The following HTR2C variants were observed in gnomAD, a reference collection of about 807,000 sequenced individuals.
HTR2C encodes the protein 5-hydroxytryptamine (serotonin) receptor 2C, G protein-coupled.
A neutral mutation model predicts 21.0 loss-of-function variants in HTR2C; 5 were observed. That is an observed-to-expected ratio of 0.24 (90% CI 0.12 to 0.50). The LOEUF is 0.50. HTR2C is among the 20% of genes least tolerant of loss of function. The pLI is 0.98. For missense variants in HTR2C, 271 were observed against 371.2 expected, an observed-to-expected ratio of 0.73 and a Z score of 2.22; for synonymous variants, 150 against 145.3, an observed-to-expected ratio of 1.03 and a Z score of -0.23.
chrX:114,783,018 A>G (rs1556440966), intron 4 of HTR2C, among the ~76,000 whole-genome samples: 1 of 111,547 alleles, frequency 9.0e-6, no homozygotes. Context: ...GTAAGAAAGG[A>G]AAGGAAACAA....
intron 2 of HTR2C, among the ~76,000 whole-genome samples, chrX:114,696,015 CAAAT>C (rs1193000546): frequency 1.8e-5 from 2 of 111,825 alleles, no homozygotes; most frequent in Admixed American, 1.9e-4. Flanking sequence ...CACTAGGAAA[CAAAT>C]GAATGTCACT....
chrX:114,710,350 T>C (rs1402382467), intron 2 of HTR2C, among the ~76,000 whole-genome samples: 3 of 111,441 alleles, frequency 2.7e-5, no homozygotes, highest in African/African-American at 9.8e-5. Flanking sequence ...TTATTAGACA[T>C]AGAGATTGAC....
At chrX:114,788,079 CTGT>C (rs1306017583) in intron 4 of HTR2C, among the ~76,000 whole-genome samples, 4 of 110,455 alleles carry the variant, frequency 3.6e-5, no homozygotes, top group Non-Finnish European at 7.6e-5. Context: ...GGGATAAGTC[CTGT>C]TGTTGTTTTT....
At chrX:114,821,693 G>C (rs185818250) in intron 4 of HTR2C, among the ~76,000 whole-genome samples, 1 of 110,601 alleles carries the variant, frequency 9.0e-6, no homozygotes, top group Admixed American at 9.7e-5. Context: ...TATGTCATTA[G>C]TTATTAAGAA....
At chrX:114,875,360 C>T (rs1280092017) in intron 5 of HTR2C, among the ~76,000 whole-genome samples, 1 of 111,437 alleles carries the variant, frequency 9.0e-6, no homozygotes, top group Admixed American at 9.5e-5. Context: ...CCATAGGTTG[C>T]CTTTTAATTT....
At chrX:114,615,724 C>T (rs1313685141) in intron 2 of HTR2C, among the ~76,000 whole-genome samples, 3 of 111,827 alleles carry the variant, frequency 2.7e-5, no homozygotes, top group Non-Finnish European at 3.8e-5. Flanking sequence ...TGTTGTTTTT[C>T]GACCTCTATG....
intron 2 of HTR2C, among the ~76,000 whole-genome samples, chrX:114,705,508 T>C (rs1338209578): frequency 9.2e-6 from 1 of 108,515 alleles, no homozygotes; most frequent in African/African-American, 3.3e-5. Flanking sequence ...TAGCCATATG[T>C]AGAAAGCTGA....
chrX:114,700,394 G>C (rs955176231), intron 2 of HTR2C, among the ~76,000 whole-genome samples: 1 of 111,731 alleles, frequency 9.0e-6, no homozygotes, highest in Non-Finnish European at 1.9e-5. Flanking sequence ...CCTGCAGAAA[G>C]AGAAGCCTCA....
chrX:114,657,248 A>G (rs1304704461), intron 2 of HTR2C, among the ~76,000 whole-genome samples: 1 of 111,069 alleles, frequency 9.0e-6, no homozygotes, highest in Non-Finnish European at 1.9e-5. Context: ...ATGAAATGGA[A>G]CAAGAAAAAA....
chrX:114,790,283 T>C (rs2070218431), intron 4 of HTR2C, among the ~76,000 whole-genome samples: 1 of 111,933 alleles, frequency 8.9e-6, no homozygotes, highest in South Asian at 3.7e-4. Context: ...TTCAAGAAGT[T>C]CCACAATAGT....
chrX:114,606,731 G>A (rs1365484706), intron 1 of HTR2C, among the ~76,000 whole-genome samples: 7 of 111,854 alleles, frequency 6.3e-5, no homozygotes, highest in Admixed American at 1.9e-4. Context: ...GGAGCAAAGA[G>A]CAGGAGGACA....
rs184280446 is a variant in HTR2C at position 114,727,023 on chromosome X, G to A, written c.35+52G>A. On this transcript the variant is annotated intron_variant, in intron 3 of 5. Transcript: ENST00000276198. ...AGTAAAAAGATAACTTTGCTTGGTA[G>A]CTTGCTCAACATGTTAAAAAAATGC... The A allele has an allele frequency of 6.4e-4, 477 of 745,991 alleles. 2 individuals are homozygous for A. In the African/African-American group the frequency reaches 9.9e-3, roughly 15 times the overall value. 61.5% of individuals were successfully genotyped at this position (745,991 alleles called of 1,213,427 possible).
chrX:114,905,213 T>C (rs933536779), intron 5 of HTR2C, among the ~76,000 whole-genome samples: 1 of 111,241 alleles, frequency 9.0e-6, no homozygotes, highest in Non-Finnish European at 1.9e-5. Context: ...TTGTCATATC[T>C]GTTGTGGCTT....
At chrX:114,618,448 T>C (rs1017078039) in intron 2 of HTR2C, among the ~76,000 whole-genome samples, 173 of 112,477 alleles carry the variant, frequency 1.5e-3, no homozygotes, top group Non-Finnish European at 1.9e-3. Flanking sequence ...TTTTAAATTA[T>C]ACATTTTCAA....
chrX:114,795,181 T>A (rs1224738467), intron 4 of HTR2C, among the ~76,000 whole-genome samples: 9 of 110,227 alleles, frequency 8.2e-5, no homozygotes, highest in East Asian at 2.9e-4. Flanking sequence ...TCTTCTTTTG[T>A]GAAGTGTCTG....
intron 2 of HTR2C, among the ~76,000 whole-genome samples, chrX:114,621,320 T>G (rs1248961422): frequency 8.9e-6 from 1 of 111,940 alleles, no homozygotes; most frequent in East Asian, 2.8e-4. Context: ...GTAGGCTCTG[T>G]TGCAACTACT....
chrX:114,618,744 C>T (rs1383469684), intron 2 of HTR2C, among the ~76,000 whole-genome samples: 3 of 111,405 alleles, frequency 2.7e-5, no homozygotes, highest in Non-Finnish European at 5.7e-5. Context: ...GTTTCAATTG[C>T]ATTTTGCTCT....
At position 114,845,790 on chromosome X, in the gene HTR2C, A is replaced by T. The variant is rs191857601; in HGVS notation, c.350-2213A>T. On this transcript the variant is annotated intron_variant, in intron 4 of 5. Coordinates refer to ENST00000276198, the MANE Select transcript of HTR2C (RefSeq NM_000868.4). ...CTTGGGAGGCCAAGGTGGGAGGATT[A>T]CTTGAGCCTATGAGTTCAAGAGCAG... Among the ~76,000 whole-genome samples the T allele has an allele frequency of 2.3e-3, 253 of 109,252 alleles. 1 individual carries two copies. The highest frequency in any genetic ancestry group is 4.8e-3 in the Admixed American group (49 of 10,240). 94.9% of individuals were successfully genotyped at this position (109,252 alleles called of 115,157 possible). A position where few individuals can be genotyped will look rare whatever the true frequency, so the allele number is the denominator to read the frequency against.
chrX:114,730,214 C>T (rs190057960), intron 3 of HTR2C, among the ~76,000 whole-genome samples: 25 of 111,623 alleles, frequency 2.2e-4, no homozygotes, highest in African/African-American at 7.2e-4. Context: ...AATCTCATGT[C>T]GCCATAGGGG....
Sources: gnomAD v4.1 joint callset for allele counts (sites outside exome capture counted in the v4.1 genomes callset) on GRCh38, gnomAD v4.1.1 for gene constraint, MANE v1.5 for transcripts, NCBI Gene and HGNC (gene_info 2026-07-23, HGNC 2026-07-21) for gene names.